Variants in SGCZ observed in about 807,000 individuals in gnomAD.
SGCZ encodes sarcoglycan zeta, also known as zeta-sarcoglycan.
In SGCZ, 40 loss-of-function variants were observed where a neutral mutation model predicts 41.3. The observed-to-expected ratio is 0.97, with a 90% CI of 0.75 to 1.26. SGCZ has a LOEUF of 1.26. Among genes scored for constraint, SGCZ ranks in the 50% most tolerant of loss-of-function variants. The pLI is 0.00. For synonymous variants in SGCZ, 206 were observed against 137.5 expected, an observed-to-expected ratio of 1.50 and a Z score of -3.49; for missense variants, 552 against 369.8, an observed-to-expected ratio of 1.49 and a Z score of -4.04.
At chr8:14,384,506 A>G (rs1242122369) in intron 2 of SGCZ, among the ~76,000 whole-genome samples, 2 of 152,206 alleles carry the variant, frequency 1.3e-5, no homozygotes, top group Non-Finnish European at 2.9e-5. Flanking sequence ...GAAATATTTT[A>G]TTTAAAAAAT....
chr8:14,673,138 C>T (rs1232121318), intron 1 of SGCZ, among the ~76,000 whole-genome samples: 2 of 152,196 alleles, frequency 1.3e-5, no homozygotes, highest in Non-Finnish European at 2.9e-5. Flanking sequence ...CCCATCTATA[C>T]AACATAGTGA....
At chr8:15,100,386 A>T (rs935011034) in intron 1 of SGCZ, among the ~76,000 whole-genome samples, 1 of 152,202 alleles carries the variant, frequency 6.6e-6, no homozygotes, top group African/African-American at 2.4e-5. Context: ...TTTAGCTATA[A>T]ATCTAATGCA....
At chr8:14,921,654 T>C (rs1799591650) in intron 1 of SGCZ, among the ~76,000 whole-genome samples, 1 of 152,144 alleles carries the variant, frequency 6.6e-6, no homozygotes, top group Non-Finnish European at 1.5e-5. Flanking sequence ...AATTTGCTTG[T>C]AATGGAATTG....
At chr8:14,124,993 C>G (rs769609707) in intron 5 of SGCZ, among the ~76,000 whole-genome samples, 1 of 152,050 alleles carries the variant, frequency 6.6e-6, no homozygotes, top group Non-Finnish European at 1.5e-5. Context: ...TTCCTATACA[C>G]GAACAAAAGA....
chr8:14,101,974 C>T (rs939629155), intron 7 of SGCZ, among the ~76,000 whole-genome samples: 1 of 151,518 alleles, frequency 6.6e-6, no homozygotes, highest in Non-Finnish European at 1.5e-5. Context: ...GCTCCGCCTC[C>T]CATGGGTTCG....
At chr8:14,794,415 ATT>A (rs1801057697) in intron 1 of SGCZ, among the ~76,000 whole-genome samples, 1 of 152,150 alleles carries the variant, frequency 6.6e-6, no homozygotes, top group Non-Finnish European at 1.5e-5. Context: ...AACTCAAAAT[ATT>A]TTTCTGAAAC....
chr8:14,376,455 C>T (rs1282003377), intron 2 of SGCZ, among the ~76,000 whole-genome samples: 5 of 152,046 alleles, frequency 3.3e-5, no homozygotes, highest in African/African-American at 1.2e-4. Context: ...TAACCTTTAT[C>T]CTTAAACAGG....
intron 4 of SGCZ, among the ~76,000 whole-genome samples, chr8:14,211,733 A>G (rs1439253146): frequency 6.6e-6 from 1 of 152,146 alleles, no homozygotes; most frequent in Non-Finnish European, 1.5e-5. Context: ...ACTCACTATC[A>G]CAAGAACAGC....
chr8:14,541,314 C>T (rs1307298550), intron 2 of SGCZ, among the ~76,000 whole-genome samples: 9 of 151,824 alleles, frequency 5.9e-5, no homozygotes, highest in Admixed American at 5.3e-4. Flanking sequence ...CCCCCACGCC[C>T]GGCAGGCCTT....
chr8:14,740,804 T>G (rs571906347), intron 1 of SGCZ, among the ~76,000 whole-genome samples: 3 of 152,022 alleles, frequency 2.0e-5, no homozygotes, highest in Non-Finnish European at 4.4e-5. Flanking sequence ...TTTCTTTAAG[T>G]TATCTTTGCA....
chr8:14,274,910 A>C (rs1800177073), intron 3 of SGCZ, among the ~76,000 whole-genome samples: 1 of 152,072 alleles, frequency 6.6e-6, no homozygotes, highest in Non-Finnish European at 1.5e-5. Flanking sequence ...CCCTACATTC[A>C]TTTGTTCCAT....
At chr8:14,300,732 C>A (rs188974600) in intron 3 of SGCZ, among the ~76,000 whole-genome samples, 1 of 151,998 alleles carries the variant, frequency 6.6e-6, no homozygotes. Flanking sequence ...TAGTGATGAT[C>A]ATTTTAAAAA....
intron 2 of SGCZ, among the ~76,000 whole-genome samples, chr8:14,357,187 A>G (rs2117120041): frequency 6.6e-6 from 1 of 152,320 alleles, no homozygotes; most frequent in Admixed American, 6.5e-5. Context: ...AACCACAGAT[A>G]CTTTCAAATA....
At chr8:14,698,650 T>C (rs1396412818) in intron 1 of SGCZ, among the ~76,000 whole-genome samples, 2 of 151,942 alleles carry the variant, frequency 1.3e-5, no homozygotes, top group Non-Finnish European at 2.9e-5. Flanking sequence ...AATCATGACA[T>C]ATTATATCCT....
At chr8:15,159,244 G>A (rs963219469) in intron 1 of SGCZ, among the ~76,000 whole-genome samples, 2 of 152,164 alleles carry the variant, frequency 1.3e-5, no homozygotes, top group African/African-American at 2.4e-5. Flanking sequence ...GGTGGTCCAC[G>A]GAGAGCAGGC....
At chr8:14,746,912 G>A (rs146971426) in intron 1 of SGCZ, among the ~76,000 whole-genome samples, 2 of 152,236 alleles carry the variant, frequency 1.3e-5, no homozygotes, top group African/African-American at 4.8e-5. Context: ...ATGCTCCACT[G>A]TGATTTATTT....
At chr8:14,307,563 C>A (rs1053825498) in intron 3 of SGCZ, among the ~76,000 whole-genome samples, 2 of 152,046 alleles carry the variant, frequency 1.3e-5, no homozygotes, top group Non-Finnish European at 1.5e-5. Flanking sequence ...AACTGAGGGA[C>A]AGGGCACTAA....
intron 1 of SGCZ, among the ~76,000 whole-genome samples, chr8:15,106,141 T>G (rs1806815597): frequency 6.6e-6 from 1 of 152,172 alleles, no homozygotes. Context: ...TTTGGTTAAT[T>G]TCATATGTTT....
intron 1 of SGCZ, among the ~76,000 whole-genome samples, chr8:15,205,683 C>G (rs779079352): frequency 3.9e-5 from 6 of 152,120 alleles, no homozygotes; most frequent in Non-Finnish European, 5.9e-5. Context: ...ATTAGTTCAA[C>G]CATTGAGAAA....
Sources: gnomAD v4.1 joint callset for allele counts (sites outside exome capture counted in the v4.1 genomes callset) on GRCh38, gnomAD v4.1.1 for gene constraint, MANE v1.5 for transcripts, NCBI Gene and HGNC (gene_info 2026-07-23, HGNC 2026-07-21) for gene names.